Variants in CNTN5 observed in about 807,000 individuals in gnomAD.
CNTN5 encodes the protein contactin-5.
CNTN5 carries 77 observed loss-of-function variants against 129.1 expected under a neutral mutation model. The observed-to-expected ratio is 0.60, with a 90% CI of 0.50 to 0.72. The LOEUF is 0.72. CNTN5 is among the 30% of genes least tolerant of loss of function. CNTN5 has a pLI of 0.00. For missense variants in CNTN5, 1,478 were observed against 1,328.8 expected, an observed-to-expected ratio of 1.11 and a Z score of -1.75; for synonymous variants, 509 against 465.6, an observed-to-expected ratio of 1.09 and a Z score of -1.20.
At chr11:99,454,815 A>G (rs1162643195) in intron 2 of CNTN5, among the ~76,000 whole-genome samples, 1 of 152,178 alleles carries the variant, frequency 6.6e-6, no homozygotes, top group African/African-American at 2.4e-5. Context: ...TGGATTGGCT[A>G]TGAAGGATAC....
In CNTN5 at chr11:100,029,507, C is replaced by A. The variant is rs113640363; in HGVS notation, c.980+27371C>A. ...CTGAGGCAGGAGAATGGCGTGAACCCAGGAGGTGGAGCTTGCAGTGAGCCG... is the reference window on the plus strand; with the variant it reads ...CTGAGGCAGGAGAATGGCGTGAACCAAGGAGGTGGAGCTTGCAGTGAGCCG... On this transcript the variant is annotated intron_variant, in intron 9 of 24. Transcript: ENST00000524871. 8.5e-3 allele frequency among the ~76,000 whole-genome samples: 1,294 copies of A among 152,072 alleles called. 14 individuals carry two copies. The highest frequency in any genetic ancestry group is 0.03 in the African/African-American group (1,231 of 41,486).
At chr11:99,027,492 T>C (rs1863159237) in intron 1 of CNTN5, among the ~76,000 whole-genome samples, 1 of 151,698 alleles carries the variant, frequency 6.6e-6, no homozygotes, top group Admixed American at 6.6e-5. Context: ...TCAACTTGTA[T>C]ATAAATTCTA....
At chr11:100,064,618 T>C (rs1943622446) in intron 10 of CNTN5, among the ~76,000 whole-genome samples, 1 of 152,178 alleles carries the variant, frequency 6.6e-6, no homozygotes, top group Admixed American at 6.6e-5. Flanking sequence ...TATGCCTTTC[T>C]TGATAATAGG....
chr11:99,345,579 AT>A (rs1157569890), intron 2 of CNTN5, among the ~76,000 whole-genome samples: 1 of 152,198 alleles, frequency 6.6e-6, no homozygotes, highest in Non-Finnish European at 1.5e-5. Context: ...AAGAAGCAAC[AT>A]GTACCATGTC....
intron 2 of CNTN5, among the ~76,000 whole-genome samples, chr11:99,458,728 C>T (rs563016501): frequency 1.2e-3 from 186 of 152,044 alleles, no homozygotes; most frequent in African/African-American, 4.4e-3. Flanking sequence ...ACCATATAGC[C>T]TTGGTATAGT....
chr11:100,157,182 G>A (rs1947273809), intron 13 of CNTN5, among the ~76,000 whole-genome samples: 1 of 151,656 alleles, frequency 6.6e-6, no homozygotes, highest in Admixed American at 6.6e-5. Flanking sequence ...CCCTTATAAT[G>A]GCATGTTGTT....
rs201939671 is a variant in CNTN5, at chr11:99,211,644, AT to A, written c.-209-113696del. Among the ~76,000 whole-genome samples, 1,034 of 148,460 alleles carry A rather than the reference AT, an allele frequency of 7.0e-3. 9 individuals carry two copies. Among genetic ancestry groups the A allele is most frequent in the African/African-American group, 0.024 (952 of 40,268 alleles). ...TTTTAATCTCTTATTTTAGGTTCTT[AT>A]TTTTTCATACTTTATCAAAAACTTC... is the stretch of plus-strand genomic sequence containing the variant. On this transcript the variant is annotated intron_variant, in intron 1 of 24. Transcript: ENST00000524871.
intron 3 of CNTN5, among the ~76,000 whole-genome samples, chr11:99,708,407 A>C (rs2134930692): frequency 6.6e-6 from 1 of 151,862 alleles, no homozygotes. Context: ...ATACATTCAT[A>C]CCACTTTGTA....
Position 99,114,844 on chromosome 11 carries a change from A to G in CNTN5, c.-210+93574A>G, listed in dbSNP as rs566568139. On this transcript the variant is annotated intron_variant, in intron 1 of 24. Transcript: ENST00000524871. ...GTGAGTATCAAACAATCCGTGTTATAGACTAAACATTTGTATCTCCCTGAA... is the reference window on the plus strand; with the variant it reads ...GTGAGTATCAAACAATCCGTGTTATGGACTAAACATTTGTATCTCCCTGAA... Among the ~76,000 whole-genome samples the G allele has an allele frequency of 2.0e-5, 3 of 152,324 alleles. No homozygotes were observed. In the South Asian group the frequency reaches 6.2e-4, roughly 32 times the overall value.
intron 11 of CNTN5, among the ~76,000 whole-genome samples, chr11:100,071,494 T>A (rs1943922000): frequency 6.6e-6 from 1 of 152,118 alleles, no homozygotes; most frequent in African/African-American, 2.4e-5. Context: ...ACAAAAAAAT[T>A]GTAATTTCTT....
At chr11:99,660,878 A>G (rs1284473152) in intron 3 of CNTN5, among the ~76,000 whole-genome samples, 1 of 151,934 alleles carries the variant, frequency 6.6e-6, no homozygotes, top group Non-Finnish European at 1.5e-5. Flanking sequence ...AAAGTTTTCT[A>G]TATTAATATA....
At chr11:100,344,973 TATATTA>T (rs1411280974) in intron 23 of CNTN5, among the ~76,000 whole-genome samples, 1 of 152,082 alleles carries the variant, frequency 6.6e-6, no homozygotes, top group Middle Eastern at 3.2e-3. Flanking sequence ...TTTTAAAGCT[TATATTA>T]ATAAAGTAAT....
chr11:100,136,322 A>G (rs764500546), intron 13 of CNTN5, among the ~76,000 whole-genome samples: 16 of 152,066 alleles, frequency 1.1e-4, no homozygotes, highest in Non-Finnish European at 2.2e-4. Flanking sequence ...TGGCAGTGGC[A>G]TTTTTACATC....
rs142685761 is a variant in CNTN5 at position 100,031,279 on chromosome 11, T to A, written c.980+29143T>A. Among the ~76,000 whole-genome samples the A allele has an allele frequency of 3.4e-3, 513 of 152,302 alleles. 4 individuals carry two copies. Among genetic ancestry groups the A allele is most frequent in the African/African-American group, 0.012 (497 of 41,570 alleles). Reference sequence around the variant, plus strand: ...AAATACAAAGTTGCATGTGGGATTGTGTAAAGACAATGCCAGGTTGGACTG... The same window carrying A: ...AAATACAAAGTTGCATGTGGGATTGAGTAAAGACAATGCCAGGTTGGACTG... On this transcript the variant is annotated intron_variant, in intron 9 of 24. Transcript: ENST00000524871.
At chr11:100,047,418 GA>G (rs1386736910) in intron 9 of CNTN5, among the ~76,000 whole-genome samples, 1 of 152,050 alleles carries the variant, frequency 6.6e-6, no homozygotes, top group Admixed American at 6.6e-5. Context: ...CTGCATGCCA[GA>G]AAAAAATTTG....
chr11:99,191,205 G>A (rs1206319523), intron 1 of CNTN5, among the ~76,000 whole-genome samples: 1 of 151,654 alleles, frequency 6.6e-6, no homozygotes, highest in African/African-American at 2.4e-5. Flanking sequence ...TGATCATGGT[G>A]AATAATCTTT....
At chr11:100,352,701 C>T (rs560793460) in intron 24 of CNTN5, among the ~76,000 whole-genome samples, 2 of 151,764 alleles carry the variant, frequency 1.3e-5, no homozygotes, top group Admixed American at 6.6e-5. Context: ...TGTGGTCACA[C>T]AAAAATTTAA....
At chr11:100,037,018 G>T (rs1465298233) in intron 9 of CNTN5, among the ~76,000 whole-genome samples, 3 of 151,872 alleles carry the variant, frequency 2.0e-5, no homozygotes, top group Non-Finnish European at 4.4e-5. Flanking sequence ...GAATAGGAGT[G>T]GTGAGAGAGG....
intron 4 of CNTN5, among the ~76,000 whole-genome samples, chr11:99,827,062 GT>G (rs1485989348): frequency 2.0e-5 from 3 of 151,964 alleles, no homozygotes; most frequent in Non-Finnish European, 4.4e-5. Context: ...GTGTTCATTG[GT>G]TTTTTGCTTT....
Sources: allele counts gnomAD v4.1 joint callset (sites outside exome capture counted in the v4.1 genomes callset), GRCh38; gene constraint gnomAD v4.1.1; transcripts MANE v1.5; gene names NCBI Gene and HGNC (gene_info 2026-07-23, HGNC 2026-07-21).